The following TRAF3IP1 variants were observed in gnomAD, a reference collection of about 807,000 sequenced individuals.
The protein encoded by TRAF3IP1 is TRAF3-interacting protein 1.
TRAF3IP1 carries 53 observed loss-of-function variants against 89.9 expected under a neutral mutation model. That is an observed-to-expected ratio of 0.59 (90% CI 0.47 to 0.74). The LOEUF (loss-of-function observed/expected upper bound fraction) is 0.74, where lower values mean the gene tolerates loss of function less well. Among genes scored for constraint, TRAF3IP1 ranks in the 30% least tolerant of loss-of-function variants. The pLI, the probability that TRAF3IP1 is intolerant of heterozygous loss-of-function variation, is 0.00. For synonymous variants in TRAF3IP1, 311 were observed against 322.1 expected (o/e 0.97, Z 0.37); for missense variants, 806 against 866.1 (o/e 0.93, Z 0.87).
chr2:238,399,785 G>C lies in TRAF3IP1; in HGVS notation c.*866G>C, dbSNP rs1701391238. 2 of 152,056 alleles carry C rather than the reference G, an allele frequency of 1.3e-5. No individual in the cohort carries two copies. Among genetic ancestry groups the C allele is most frequent in the African/African-American group, 4.8e-5 (2 of 41,388 alleles). 9.4% of individuals were successfully genotyped at this position (152,056 alleles called of 1,614,324 possible). A position where few individuals can be genotyped will look rare whatever the true frequency, so the allele number is the denominator to read the frequency against. ...GCATACCGAGAGACAGGCAGCTTAG[G>C]AAAAACAACATAAGGAAGACTTAAA... On this transcript the variant is annotated 3_prime_UTR_variant, in exon 17 of 17. Transcript: ENST00000373327.
Position 238,328,782 on chromosome 2 carries a change from A to T in TRAF3IP1, c.451A>T (p.Asn151Tyr). 2 of 1,614,192 alleles carry T rather than the reference A, an allele frequency of 1.2e-6. No individual in the cohort carries two copies. Among genetic ancestry groups the T allele is most frequent in the South Asian group, 2.2e-5 (2 of 91,078 alleles). The change falls in exon 4 of 17, where the codon AAT (asparagine) becomes TAT (tyrosine). Residue 151 changes from asparagine to tyrosine, a missense_variant. Physicochemically the swap from Asn to Tyr is moderately radical, Grantham distance 143. This residue lies in a region of TRAF3IP1 where 732 missense variants were observed against 780.5 expected (regional missense o/e 0.94). Transcript: ENST00000373327. ...GACCTCAAGATCTCAGGAATTGGAT[A>T]ATAAGAATGTGCGAGAAGAAGAGTC... ...SLTSRSQELD[N>Y]KNVREEESRV...
At chr2:238,358,497 C>G (rs1699520990) in intron 15 of TRAF3IP1, among the ~76,000 whole-genome samples, 1 of 152,200 alleles carries the variant, frequency 6.6e-6, no homozygotes, top group Non-Finnish European at 1.5e-5. Context: ...GATTGCACTG[C>G]TGCACTCCAG....
intron 3 of TRAF3IP1, among the ~76,000 whole-genome samples, chr2:238,327,911 C>T (rs1697917797): frequency 6.6e-6 from 1 of 152,122 alleles, no homozygotes; most frequent in Non-Finnish European, 1.5e-5. Context: ...TGGCATGTAT[C>T]AGAATTTCAT....
intron 15 of TRAF3IP1, among the ~76,000 whole-genome samples, chr2:238,361,605 G>C (rs115829396): frequency 6.6e-6 from 1 of 152,106 alleles, no homozygotes; most frequent in African/African-American, 2.4e-5. Context: ...TCTCTAGGGA[G>C]CCCAGGCACT....
At chr2:238,378,663 T>A (rs1275908399) in intron 15 of TRAF3IP1, among the ~76,000 whole-genome samples, 2 of 152,222 alleles carry the variant, frequency 1.3e-5, no homozygotes, top group Non-Finnish European at 2.9e-5. Flanking sequence ...CAAGGTTATG[T>A]CCATTTTATA....
intron 1 of TRAF3IP1, among the ~76,000 whole-genome samples, chr2:238,324,719 T>C (rs1176424146): frequency 1.3e-5 from 2 of 152,130 alleles, no homozygotes; most frequent in Non-Finnish European, 2.9e-5. Context: ...TTCTCCTGCC[T>C]CAGCCTCCCC....
intron 15 of TRAF3IP1, among the ~76,000 whole-genome samples, chr2:238,356,897 G>A (rs1323931015): frequency 6.6e-6 from 1 of 151,494 alleles, no homozygotes; most frequent in Non-Finnish European, 1.5e-5. Context: ...TCCTGCCTCA[G>A]CCTCCCGTGT....
At chr2:238,386,007 G>A (rs1700751228) in intron 15 of TRAF3IP1, among the ~76,000 whole-genome samples, 1 of 152,124 alleles carries the variant, frequency 6.6e-6, no homozygotes, top group South Asian at 2.1e-4. Flanking sequence ...CATTTTATTC[G>A]GGAAGAAAGA....
chr2:238,366,837 A>G (rs1699896504), intron 15 of TRAF3IP1, among the ~76,000 whole-genome samples: 1 of 152,184 alleles, frequency 6.6e-6, no homozygotes. Flanking sequence ...TAATGGATAT[A>G]TGAGGGAATG....
intron 9 of TRAF3IP1, among the ~76,000 whole-genome samples, chr2:238,344,928 C>G (rs915370302): frequency 6.6e-6 from 1 of 152,070 alleles, no homozygotes; most frequent in African/African-American, 2.4e-5. Flanking sequence ...AGGTGTACCC[C>G]CCAGACTTCA....
At chr2:238,331,929 AG>A (rs1222491549) in intron 5 of TRAF3IP1, among the ~76,000 whole-genome samples, 2 of 152,210 alleles carry the variant, frequency 1.3e-5, no homozygotes, top group Non-Finnish European at 2.9e-5. Flanking sequence ...ATGAGATCCT[AG>A]GCTACCTCAT....
chr2:238,375,136 C>A (rs1700263806), intron 15 of TRAF3IP1, among the ~76,000 whole-genome samples: 3 of 152,172 alleles, frequency 2.0e-5, no homozygotes, highest in African/African-American at 2.4e-5. Flanking sequence ...TCCTTCAGTT[C>A]TGCCCTGGTC....
At chr2:238,385,369 T>C (rs1315464246) in intron 15 of TRAF3IP1, among the ~76,000 whole-genome samples, 1 of 152,200 alleles carries the variant, frequency 6.6e-6, no homozygotes, top group Non-Finnish European at 1.5e-5. Context: ...AAGAAATTAT[T>C]CCTGAACCGG....
At chr2:238,378,793 G>A (rs1235199303) in intron 15 of TRAF3IP1, among the ~76,000 whole-genome samples, 2 of 151,744 alleles carry the variant, frequency 1.3e-5, no homozygotes, top group African/African-American at 2.4e-5. Context: ...TCTGAAGCCG[G>A]GACCCCCCCC....
At chr2:238,349,123 A>G (rs776217048) in intron 11 of TRAF3IP1, among the ~76,000 whole-genome samples, 1 of 152,200 alleles carries the variant, frequency 6.6e-6, no homozygotes, top group Non-Finnish European at 1.5e-5. Flanking sequence ...GAAATTACTG[A>G]AAATACAAGT....
In TRAF3IP1 at chr2:238,324,549, C is replaced by T. The variant is rs753369095; in HGVS notation, c.124-757C>T. ...CTCAGGCTCCTGCTGTCCTACATTT[C>T]TTTTGATCCCTTGCAGGGGACTCTG... On this transcript the variant is annotated intron_variant, in intron 1 of 16. Coordinates refer to ENST00000373327, the MANE Select transcript of TRAF3IP1 (RefSeq NM_015650.4). Among the ~76,000 whole-genome samples the T allele has an allele frequency of 1.1e-4, 16 of 152,270 alleles. No individual in the cohort carries two copies. In the Middle Eastern group the frequency reaches 0.014, roughly 129 times the overall value.
intron 15 of TRAF3IP1, among the ~76,000 whole-genome samples, chr2:238,369,964 C>T (rs983582271): frequency 6.6e-6 from 1 of 152,140 alleles, no homozygotes; most frequent in Non-Finnish European, 1.5e-5. Flanking sequence ...GTCCTTTCAG[C>T]CTGCGCCCAG....
intron 15 of TRAF3IP1, among the ~76,000 whole-genome samples, chr2:238,376,936 C>T (rs1008850307): frequency 6.6e-6 from 1 of 152,112 alleles, no homozygotes; most frequent in African/African-American, 2.4e-5. Flanking sequence ...ACTGTTGTTA[C>T]CCATTTTGAA....
At chr2:238,376,243 A>G (rs1700311011) in intron 15 of TRAF3IP1, among the ~76,000 whole-genome samples, 4 of 152,194 alleles carry the variant, frequency 2.6e-5, no homozygotes, top group Admixed American at 1.3e-4. Flanking sequence ...ATGTGCTGCA[A>G]AATATTATCC....
Sources: gnomAD v4.1 joint callset for allele counts (sites outside exome capture counted in the v4.1 genomes callset) on GRCh38, gnomAD v4.1.1 for gene constraint, gnomAD v4.1.1 regional missense constraint, MANE v1.5 for transcripts, NCBI Gene and HGNC (gene_info 2026-07-23, HGNC 2026-07-21) for gene names.